FOXJ3: variants seen among roughly 807,000 people sequenced by gnomAD.
The protein encoded by FOXJ3 is forkhead box J3, also known as forkhead box protein J3.
FOXJ3 carries 22 observed loss-of-function variants against 76.1 expected under a neutral mutation model. That is an observed-to-expected ratio of 0.29 (90% CI 0.21 to 0.41). FOXJ3 has a LOEUF of 0.41. FOXJ3 is among the 10% of genes least tolerant of loss of function. FOXJ3 has a pLI of 1.00. For synonymous variants in FOXJ3, 269 were observed against 261.2 expected (o/e 1.03, Z -0.29); for missense variants, 613 against 762.1 (o/e 0.80, Z 2.30).
intron 12 of FOXJ3, among the ~76,000 whole-genome samples, chr1:42,180,993 T>C (rs375703102): frequency 1.5e-4 from 23 of 152,338 alleles, no homozygotes; most frequent in African/African-American, 5.5e-4. Context: ...TTAACATTCC[T>C]TCCCCCTTCA....
At chr1:42,224,568 C>G (rs1354422857) in intron 5 of FOXJ3, among the ~76,000 whole-genome samples, 2 of 151,904 alleles carry the variant, frequency 1.3e-5, no homozygotes, top group African/African-American at 2.4e-5. Flanking sequence ...GCAGAAGAAT[C>G]ACTTGAACCC....
intron 5 of FOXJ3, among the ~76,000 whole-genome samples, chr1:42,212,274 A>C (rs1363925855): frequency 6.6e-6 from 1 of 152,228 alleles, no homozygotes; most frequent in Non-Finnish European, 1.5e-5. Context: ...CAAAAAGTTA[A>C]TTGTGAGTTT....
chr1:42,244,757 T>C (rs766913001), intron 4 of FOXJ3, among the ~76,000 whole-genome samples: 2 of 151,672 alleles, frequency 1.3e-5, no homozygotes, highest in African/African-American at 4.8e-5. Flanking sequence ...TATGAACAAC[T>C]AGATGCTACC....
intron 7 of FOXJ3, among the ~76,000 whole-genome samples, chr1:42,196,368 C>T (rs1231071932): frequency 1.3e-5 from 2 of 152,092 alleles, no homozygotes; most frequent in African/African-American, 4.8e-5. Flanking sequence ...GCTTAGGGAC[C>T]GCTCGACCAT....
chr1:42,254,632 G>T (rs997269919), intron 4 of FOXJ3, among the ~76,000 whole-genome samples: 2 of 147,670 alleles, frequency 1.4e-5, no homozygotes, highest in African/African-American at 5.0e-5. Flanking sequence ...ATACTATGCA[G>T]CCATAAAAAT....
intron 4 of FOXJ3, among the ~76,000 whole-genome samples, chr1:42,256,809 A>G (rs1449157322): frequency 2.0e-5 from 3 of 152,262 alleles, no homozygotes; most frequent in African/African-American, 7.2e-5. Flanking sequence ...TAAAACTGAA[A>G]ACACCTGAAG....
At chr1:42,188,966 T>G (rs756234539) in intron 10 of FOXJ3, 38 bp from the exon 11 acceptor site, 1 of 1,320,250 alleles carries the variant, frequency 7.6e-7, no homozygotes, top group African/African-American at 1.5e-5. Context: ...AGCACTGTTA[T>G]GCAATAAACA....
At position 42,237,385 on chromosome 1, in the gene FOXJ3, T is replaced by TAC. The variant is rs1557663149; in HGVS notation, c.445-9420_445-9419insGT. Among the ~76,000 whole-genome samples the TAC allele has an allele frequency of 4.5e-3, 573 of 126,340 alleles. 6 individuals carry two copies. Among genetic ancestry groups the TAC allele is most frequent in the African/African-American group, 0.017 (558 of 33,032 alleles). 82.9% of individuals were successfully genotyped at this position (126,340 alleles called of 152,430 possible). A position where few individuals can be genotyped will look rare whatever the true frequency, so the allele number is the denominator to read the frequency against. On this transcript the variant is annotated intron_variant, in intron 4 of 12. Coordinates refer to ENST00000361346, the MANE Select transcript of FOXJ3 (RefSeq NM_014947.5). Reference sequence around the variant, plus strand: ...GCAAGACTCCATCTCAAAAAATATATATATATACATACATACATACATATA... The same window carrying TAC: ...GCAAGACTCCATCTCAAAAAATATATACATATATACATACATACATACATATA...
At chr1:42,331,264 C>T (rs959373812) in intron 1 of FOXJ3, among the ~76,000 whole-genome samples, 67 of 152,144 alleles carry the variant, frequency 4.4e-4, no homozygotes, top group African/African-American at 1.4e-3. Flanking sequence ...CGCCTGTAAT[C>T]CCAGCTACTG....
At chr1:42,193,047 G>T (rs1027694865) in intron 8 of FOXJ3, among the ~76,000 whole-genome samples, 1 of 151,988 alleles carries the variant, frequency 6.6e-6, no homozygotes, top group African/African-American at 2.4e-5. Flanking sequence ...AGGGAACCAA[G>T]GTCTGATCTG....
intron 7 of FOXJ3, among the ~76,000 whole-genome samples, chr1:42,195,391 A>T (rs991585117): frequency 6.6e-6 from 1 of 152,188 alleles, no homozygotes; most frequent in African/African-American, 2.4e-5. Context: ...AGAATCTTCA[A>T]TCTTGATTTC....
At chr1:42,222,046 GAGA>G (rs1161062102) in intron 5 of FOXJ3, among the ~76,000 whole-genome samples, 923 of 8,990 alleles carry the variant, frequency 0.1, 81 homozygotes, top group Admixed American at 0.13. Context: ...GAAGGAGAAG[GAGA>G]AGAAGAAGAA....
At chr1:42,226,545 T>G (rs1203157142) in intron 5 of FOXJ3, among the ~76,000 whole-genome samples, 1 of 151,994 alleles carries the variant, frequency 6.6e-6, no homozygotes, top group Non-Finnish European at 1.5e-5. Context: ...GGAGGTGGGG[T>G]TGCAGTGAGC....
At position 42,179,835 on chromosome 1, in the gene FOXJ3, A is replaced by G. The variant is rs968676000; in HGVS notation, c.1754-10T>C. ...ATGGCTCTGTGATGGCCTGGAAGGA[A>G]AGAGGCAATAATAGCAGCGACTTGG... On this transcript the variant is annotated splice_polypyrimidine_tract_variant and intron_variant, in intron 12 of 12. Transcript: ENST00000361346. 8.9e-6 allele frequency: 14 copies of G among 1,581,428 alleles called. No homozygotes were observed. The highest frequency in any genetic ancestry group is 1.0e-5 in the Non-Finnish European group (12 of 1,150,330).
At chr1:42,188,619 A>C (rs1646483164) in intron 11 of FOXJ3, 118 bp downstream of exon 11, 1 of 552,862 alleles carries the variant, frequency 1.8e-6, no homozygotes, top group African/African-American at 1.9e-5. Flanking sequence ...TCTTATAAAT[A>C]AAAATTTGTA....
intron 3 of FOXJ3, among the ~76,000 whole-genome samples, chr1:42,270,712 G>T (rs1004448905): frequency 2.6e-5 from 4 of 152,072 alleles, no homozygotes; most frequent in African/African-American, 9.7e-5. Context: ...CCCAAAAGCA[G>T]TTTCTCAAAA....
chr1:42,328,518 A>T (rs1287396286), intron 1 of FOXJ3, among the ~76,000 whole-genome samples: 1 of 152,174 alleles, frequency 6.6e-6, no homozygotes, highest in African/African-American at 2.4e-5. Context: ...GTCCAATTAC[A>T]TCAAAATCAA....
intron 5 of FOXJ3, among the ~76,000 whole-genome samples, chr1:42,206,285 A>T (rs1202328795): frequency 6.6e-6 from 1 of 152,230 alleles, no homozygotes; most frequent in African/African-American, 2.4e-5. Flanking sequence ...GACCAACAGG[A>T]TGTGAGCAGG....
intron 1 of FOXJ3, among the ~76,000 whole-genome samples, chr1:42,328,817 C>A (rs914566247): frequency 5.9e-5 from 9 of 151,808 alleles, no homozygotes; most frequent in Admixed American, 1.3e-4. Context: ...CAGGAACCCA[C>A]AACCATGCCC....
Sources: gnomAD v4.1 joint callset for allele counts (sites outside exome capture counted in the v4.1 genomes callset) on GRCh38, gnomAD v4.1.1 for gene constraint, MANE v1.5 for transcripts, NCBI Gene and HGNC (gene_info 2026-07-23, HGNC 2026-07-21) for gene names.